Variants in CIAPIN1 observed in about 807,000 individuals in gnomAD.
The protein encoded by CIAPIN1 is cytokine induced apoptosis inhibitor 1, also known as anamorsin.
In CIAPIN1, 18 loss-of-function variants were observed where a neutral mutation model predicts 34.3. The observed-to-expected ratio is 0.52, with a 90% CI of 0.36 to 0.78. The LOEUF (loss-of-function observed/expected upper bound fraction) is 0.78. Among genes scored for constraint, CIAPIN1 ranks in the 30% least tolerant of loss-of-function variants. The probability of loss-of-function intolerance (pLI) is 0.00; values close to 1 mark genes in which losing one functional copy is unlikely to be tolerated. For missense variants in CIAPIN1, 310 were observed against 372.5 expected, an observed-to-expected ratio of 0.83 and a Z score of 1.38; for synonymous variants, 131 against 140.4, an observed-to-expected ratio of 0.93 and a Z score of 0.47.
intron 8 of CIAPIN1, among the ~76,000 whole-genome samples, chr16:57,429,695 T>C (rs1903039984): frequency 1.3e-5 from 2 of 152,076 alleles, no homozygotes; most frequent in Admixed American, 1.3e-4. Context: ...GGTTTCACCA[T>C]GTTAGCCAGG....
chr16:57,436,174 C>G (rs903192008), intron 4 of CIAPIN1, among the ~76,000 whole-genome samples: 1 of 152,204 alleles, frequency 6.6e-6, no homozygotes, highest in Non-Finnish European at 1.5e-5. Context: ...CCCCAGCCCA[C>G]ATGGGCCAAG....
At chr16:57,431,117 C>T in intron 7 of CIAPIN1, 34 bp downstream of exon 7, 1 of 1,338,374 alleles carries the variant, frequency 7.5e-7, no homozygotes, top group Non-Finnish European at 1.1e-6. Flanking sequence ...CCACTGGAGG[C>T]AGCATGGCAG....
chr16:57,445,277 C>A (rs186167024), intron 1 of CIAPIN1, among the ~76,000 whole-genome samples: 31 of 152,258 alleles, frequency 2.0e-4, no homozygotes, highest in Admixed American at 9.8e-4. Flanking sequence ...GAGGCTGAAG[C>A]AAGTGGATCA....
rs1903017324 is a variant in CIAPIN1, at chr16:57,429,008, C to T, written c.*162G>A. On this transcript the variant is annotated 3_prime_UTR_variant, in exon 9 of 9. Coordinates refer to ENST00000394391, the MANE Select transcript of CIAPIN1 (RefSeq NM_020313.4). ...TTTTGATACACAGCAGCACTACACA[C>T]CACTGTGCCCCCCAGCCAGCTTCAC... The T allele has an allele frequency of 1.1e-5, 7 of 616,222 alleles. No individual in the cohort carries two copies. Among genetic ancestry groups the T allele is most frequent in the Non-Finnish European group, 1.8e-5 (6 of 341,122 alleles). The allele number at this position is 616,222 out of a possible 1,614,324, so 38.2% of individuals were successfully genotyped here.
chr16:57,447,031 A>G (rs1348823985), intron 1 of CIAPIN1, among the ~76,000 whole-genome samples: 1 of 152,176 alleles, frequency 6.6e-6, no homozygotes, highest in Admixed American at 6.5e-5. Context: ...CCCGATCCCA[A>G]GCTCGGAGCC....
chr16:57,434,905 CA>C (rs541781647), intron 4 of CIAPIN1, among the ~76,000 whole-genome samples: 2 of 152,248 alleles, frequency 1.3e-5, no homozygotes, highest in South Asian at 4.2e-4. Context: ...AACGGACATA[CA>C]AAAAGGCATT....
chr16:57,428,599 A>G lies in CIAPIN1; in HGVS notation c.*571T>C, dbSNP rs1418421010. The G allele has an allele frequency of 6.6e-6, 1 of 152,442 alleles. No homozygotes were observed. The highest frequency in any genetic ancestry group is 1.5e-5 in the Non-Finnish European group (1 of 68,220). 9.4% of individuals were successfully genotyped at this position (152,442 alleles called of 1,614,324 possible). On this transcript the variant is annotated 3_prime_UTR_variant, in exon 9 of 9. Transcript: ENST00000394391. Reference sequence around the variant, plus strand: ...TACCTGAAGGTTAACATAAATGACAACAGGACACAGATGCAATGCTACAGT... The same window carrying G: ...TACCTGAAGGTTAACATAAATGACAGCAGGACACAGATGCAATGCTACAGT...
At position 57,439,273 on chromosome 16, in the gene CIAPIN1, A is replaced by C. The variant is rs775960569; in HGVS notation, c.219T>G (p.Thr73=). ...CAGCCAAAATCTCAGCACTGTGCAG[A>C]GTGGTGCTTCCTGGGACTAAACCTG... ...ILSGLVPGST[T]LHSAEILAEI... is the part of the protein sequence containing the mutation. The change falls in exon 3 of 9, where the codon ACT becomes ACG. Residue 73 remains threonine (T), a synonymous_variant. Coordinates refer to ENST00000394391, the MANE Select transcript of CIAPIN1 (RefSeq NM_020313.4). 6.2e-7 allele frequency: 1 copy of C among 1,614,234 alleles called. No individual in the cohort carries two copies.
chr16:57,434,191 G>T lies in CIAPIN1; in HGVS notation c.409C>A (p.Pro137Thr). Residue 137 changes from proline (P) to threonine (T), a missense_variant, in exon 5 of 9, where the codon CCT becomes ACT. Coordinates refer to ENST00000394391, the MANE Select transcript of CIAPIN1 (RefSeq NM_020313.4). ...VKELQREPLT[P>T]EEVQSVREHL... ...TCTCGAACAGACTGTACTTCCTCAGGGGTTAGGGGCTCCCGCTGCAGCTAG... is the reference window on the plus strand; with the variant it reads ...TCTCGAACAGACTGTACTTCCTCAGTGGTTAGGGGCTCCCGCTGCAGCTAG... 2 of 1,614,006 alleles carry T rather than the reference G, an allele frequency of 1.2e-6. No individual in the cohort carries two copies. Among genetic ancestry groups the T allele is most frequent in the South Asian group, 2.2e-5 (2 of 91,038 alleles).
chr16:57,437,353 G>GC, intron 3 of CIAPIN1, among the ~76,000 whole-genome samples: 1 of 152,036 alleles, frequency 6.6e-6, no homozygotes. Context: ...GTAGGCTAAC[G>GC]CAAGTGTCCT....
chr16:57,441,079 C>T (rs1903321046), intron 1 of CIAPIN1, 96 bp from the exon 2 acceptor site: 3 of 712,396 alleles, frequency 4.2e-6, no homozygotes, highest in East Asian at 2.8e-5. Context: ...GGAATGCTGA[C>T]AACATTAGAA....
At chr16:57,431,941 C>T (rs1903096236) in intron 6 of CIAPIN1, among the ~76,000 whole-genome samples, 1 of 152,168 alleles carries the variant, frequency 6.6e-6, no homozygotes, top group South Asian at 2.1e-4. Flanking sequence ...TACACATGCC[C>T]ACAAGAGTTT....
At chr16:57,441,928 A>G (rs1447368226) in intron 1 of CIAPIN1, among the ~76,000 whole-genome samples, 1 of 152,276 alleles carries the variant, frequency 6.6e-6, no homozygotes, top group Non-Finnish European at 1.5e-5. Context: ...TAGAGGAGTC[A>G]AAATGGATTA....
At chr16:57,429,426 G>C (rs1324971273) in intron 8 of CIAPIN1, 146 bp from the exon 9 acceptor site, 2 of 603,874 alleles carry the variant, frequency 3.3e-6, no homozygotes, top group Non-Finnish European at 5.9e-6. Flanking sequence ...AAAATACTAA[G>C]AGTTTTCAAG....
intron 4 of CIAPIN1, among the ~76,000 whole-genome samples, chr16:57,436,335 C>G (rs617507): frequency 6.6e-6 from 1 of 152,166 alleles, no homozygotes; most frequent in Non-Finnish European, 1.5e-5. Flanking sequence ...TGACGCCATT[C>G]TCCTGCCTCA....
chr16:57,441,083 A>C, intron 1 of CIAPIN1, 100 bp from the exon 2 acceptor site: 2 of 682,258 alleles, frequency 2.9e-6, no homozygotes, highest in Admixed American at 6.2e-5. Flanking sequence ...TGCTGACAAC[A>C]TTAGAAACTC....
intron 1 of CIAPIN1, among the ~76,000 whole-genome samples, chr16:57,446,799 A>G (rs1238956281): frequency 3.9e-5 from 6 of 152,188 alleles, no homozygotes; most frequent in Non-Finnish European, 8.8e-5. Context: ...TCTAGTAACA[A>G]GCATCCTTCC....
At chr16:57,443,944 G>A (rs1567574735) in intron 1 of CIAPIN1, among the ~76,000 whole-genome samples, 1 of 152,104 alleles carries the variant, frequency 6.6e-6, no homozygotes, top group Non-Finnish European at 1.5e-5. Context: ...AAAATGACCT[G>A]TTTCTAGAAT....
chr16:57,438,776 C>T (rs948171464), intron 3 of CIAPIN1, among the ~76,000 whole-genome samples: 6 of 152,162 alleles, frequency 3.9e-5, no homozygotes, highest in Non-Finnish European at 2.9e-5. Context: ...TTTGTTATTT[C>T]GAGCATATGA....
Sources: allele counts gnomAD v4.1 joint callset (sites outside exome capture counted in the v4.1 genomes callset), GRCh38; gene constraint gnomAD v4.1.1; transcripts MANE v1.5; gene names NCBI Gene and HGNC (gene_info 2026-07-23, HGNC 2026-07-21).